The following AFAP1L1 variants were observed in gnomAD, a reference collection of about 807,000 sequenced individuals.
The protein encoded by AFAP1L1 is actin filament-associated protein 1-like 1.
Under a neutral mutation model 99.8 loss-of-function variants are expected in AFAP1L1, and 77 were observed. The ratio of observed to expected loss-of-function variants is 0.77; its 90% CI spans 0.64 to 0.93. The LOEUF is 0.93. Among genes scored for constraint, AFAP1L1 ranks in the 40% least tolerant of loss-of-function variants. The pLI is 0.00. For missense variants in AFAP1L1, 893 were observed against 996.8 expected (o/e 0.90, Z 1.40); for synonymous variants, 373 against 395.3 (o/e 0.94, Z 0.67).
At chr5:149,312,897 C>T (rs1756681034) in intron 9 of AFAP1L1, among the ~76,000 whole-genome samples, 1 of 151,964 alleles carries the variant, frequency 6.6e-6, no homozygotes, top group African/African-American at 2.4e-5. Flanking sequence ...GAGGCCGAGG[C>T]GGGTGGATCA....
In AFAP1L1 at chr5:149,334,899, G is replaced by GGAAA. The variant is rs980275824; in HGVS notation, c.2155-681_2155-678dup. 1.2e-4 allele frequency among the ~76,000 whole-genome samples: 18 copies of GGAAA among 151,920 alleles called. No homozygotes were observed. The East Asian group carries it at 2.1e-3, about 18-fold the overall frequency. ...GTCTTACAAAAAAAAAAGAAAGAAA[G>GGAAA]GAAAGAAAGAAAGAAAGGGCTATGG... is the stretch of plus-strand genomic sequence containing the variant. On this transcript the variant is annotated intron_variant, in intron 17 of 18. Transcript: ENST00000296721.
chr5:149,313,083 G>T (rs927886337), intron 9 of AFAP1L1, among the ~76,000 whole-genome samples: 2 of 151,446 alleles, frequency 1.3e-5, no homozygotes, highest in African/African-American at 4.9e-5. Flanking sequence ...CCGAGATTGT[G>T]CCATTGCACT....
intron 5 of AFAP1L1, among the ~76,000 whole-genome samples, chr5:149,302,863 A>G (rs182263880): frequency 4.4e-4 from 67 of 152,298 alleles, no homozygotes; most frequent in African/African-American, 1.6e-3. Flanking sequence ...AGGCAGCTAC[A>G]CAGATGACCA....
Position 149,302,534 on chromosome 5 carries a change from C to A in AFAP1L1, c.436+8C>A. The A allele has an allele frequency of 6.4e-7, 1 of 1,569,028 alleles. No individual in the cohort carries two copies. The highest frequency in any genetic ancestry group is 1.2e-5 in the South Asian group (1 of 85,294). On this transcript the variant is annotated splice_region_variant and intron_variant, in intron 5 of 18. Transcript: ENST00000296721. ...AGTACATCAGCTCCCACAGTAAGTT[C>A]TGGTCCTCTTGGTGGGGCTGGGGAC...
At chr5:149,338,952 C>T (rs181309881) in intron 18 of AFAP1L1, among the ~76,000 whole-genome samples, 2 of 152,262 alleles carry the variant, frequency 1.3e-5, no homozygotes, top group Admixed American at 6.5e-5. Flanking sequence ...GTGAAAGGAA[C>T]AAAGAGTGAG....
intron 1 of AFAP1L1, among the ~76,000 whole-genome samples, chr5:149,293,948 G>A (rs1581302991): frequency 6.6e-6 from 1 of 152,154 alleles, no homozygotes; most frequent in Non-Finnish European, 1.5e-5. Flanking sequence ...CGACCCCAGA[G>A]CCCTAGCCAC....
In AFAP1L1 at chr5:149,320,537, C is replaced by A; in HGVS notation, c.1698+74C>A. ...GCTCTCCCTCTTTCTGCTCCCTTTACCTTCTGCCTCAGAAAGATCATTTTC... is the reference window on the plus strand; with the variant it reads ...GCTCTCCCTCTTTCTGCTCCCTTTAACTTCTGCCTCAGAAAGATCATTTTC... On this transcript the variant is annotated intron_variant, in intron 14 of 18. Coordinates refer to ENST00000296721, the MANE Select transcript of AFAP1L1 (RefSeq NM_152406.4). This position sits in a 1 kb window ranked among gnomAD's most constrained non-coding sequence, Gnocchi z 4.0. The A allele has an allele frequency of 7.4e-7, 1 of 1,351,536 alleles. No homozygotes were observed. Among genetic ancestry groups the A allele is most frequent in the Non-Finnish European group, 1.1e-6 (1 of 947,342 alleles). The allele number at this position is 1,351,536 out of a possible 1,614,324, so 83.7% of individuals were successfully genotyped here.
Position 149,301,121 on chromosome 5 carries a change from G to A in AFAP1L1, c.230-12G>A, listed in dbSNP as rs1203319818. On this transcript the variant is annotated splice_polypyrimidine_tract_variant and intron_variant, in intron 3 of 18. Coordinates refer to ENST00000296721, the MANE Select transcript of AFAP1L1 (RefSeq NM_152406.4). Reference sequence around the variant, plus strand: ...CTTGGCTTTCTTTGCCCAATGGCCTGTCCCTCTGTAGACTGTGACCTGAGT... The same window carrying A: ...CTTGGCTTTCTTTGCCCAATGGCCTATCCCTCTGTAGACTGTGACCTGAGT... The A allele has an allele frequency of 1.9e-6, 3 of 1,613,198 alleles. No individual in the cohort carries two copies. Among genetic ancestry groups the A allele is most frequent in the Non-Finnish European group, 2.5e-6 (3 of 1,179,350 alleles).
At chr5:149,288,964 C>T (rs1469930280) in intron 1 of AFAP1L1, among the ~76,000 whole-genome samples, 1 of 152,172 alleles carries the variant, frequency 6.6e-6, no homozygotes, top group East Asian at 1.9e-4. Context: ...TCTCCATGAC[C>T]ACCCTGTCTT....
At position 149,309,967 on chromosome 5, in the gene AFAP1L1, C is replaced by T. The variant is rs760857095; in HGVS notation, c.759C>T (p.Ser253=). 6.2e-7 allele frequency: 1 copy of T among 1,614,226 alleles called. No homozygotes were observed. Among genetic ancestry groups the T allele is most frequent in the Non-Finnish European group, 8.5e-7 (1 of 1,180,038 alleles). Residue 253 remains serine, a synonymous_variant, in exon 8 of 19, where the codon AGC becomes AGT. Transcript: ENST00000296721. The part of the protein sequence containing the change: ...IREDQLLCYK[S]SKDRQPHLRL... ...CTCTCCCTGTCCAGTGTTACAAAAG[C>T]TCCAAGGATCGGCAGCCACATCTGA...
rs995360353 is a variant in AFAP1L1 at position 149,343,077 on chromosome 5, T to C, written c.*3047T>C. ...CTTTCTGAGCCTCAATTTTCTCATA[T>C]GTAAAAGAGAATCATAATACCTCCC... On this transcript the variant is annotated 3_prime_UTR_variant, in exon 19 of 19. Transcript: ENST00000296721. Among the ~76,000 whole-genome samples, 2 of 152,210 alleles carry C rather than the reference T, an allele frequency of 1.3e-5. No individual in the cohort carries two copies. Among genetic ancestry groups the C allele is most frequent in the Non-Finnish European group, 2.9e-5 (2 of 68,038 alleles).
chr5:149,307,634 A>T (rs1684018847), intron 7 of AFAP1L1, 21 bp downstream of exon 7: 7 of 1,610,014 alleles, frequency 4.3e-6, no homozygotes, highest in Non-Finnish European at 5.9e-6. Context: ...AGCAGCAGCC[A>T]TGTGCCTCGG....
chr5:149,320,544 C>A lies in AFAP1L1; in HGVS notation c.1698+81C>A. The A allele has an allele frequency of 1.5e-6, 2 of 1,292,182 alleles. No individual in the cohort carries two copies. Among genetic ancestry groups the A allele is most frequent in the Non-Finnish European group, 2.2e-6 (2 of 898,162 alleles). 80.0% of individuals were successfully genotyped at this position (1,292,182 alleles called of 1,614,324 possible). A position where few individuals can be genotyped will look rare whatever the true frequency, so the allele number is the denominator to read the frequency against. On this transcript the variant is annotated intron_variant, in intron 14 of 18. Transcript: ENST00000296721. The surrounding 1 kb of genome is among the most constrained non-coding windows in gnomAD (Gnocchi z 4.0). ...CTCTTTCTGCTCCCTTTACCTTCTG[C>A]CTCAGAAAGATCATTTTCATTTAAG...
At chr5:149,307,857 T>TCTCTCTCTCTCTCTCTCTCTCTCTC (rs57582125) in intron 7 of AFAP1L1, among the ~76,000 whole-genome samples, 24 of 147,638 alleles carry the variant, frequency 1.6e-4, no homozygotes, top group Admixed American at 5.4e-4. Flanking sequence ...TCTCTCTCTC[T>TCTCTCTCTCTCTCTCTCTCTCTCTC]TAAATTTAAA....
At chr5:149,319,875 C>T in intron 13 of AFAP1L1, 148 bp downstream of exon 13, 1 of 1,233,824 alleles carries the variant, frequency 8.1e-7, no homozygotes, top group East Asian at 2.6e-5. Flanking sequence ...GAGTGTCTTC[C>T]TCTTCCAGCA....
chr5:149,338,559 C>A (rs1212072385), intron 18 of AFAP1L1, among the ~76,000 whole-genome samples: 1 of 152,170 alleles, frequency 6.6e-6, no homozygotes, highest in Non-Finnish European at 1.5e-5. Flanking sequence ...TTTATTCTTT[C>A]CTACAGTTAG....
chr5:149,292,781 AG>A (rs1755898956), intron 1 of AFAP1L1, among the ~76,000 whole-genome samples: 2 of 152,236 alleles, frequency 1.3e-5, no homozygotes, highest in South Asian at 4.1e-4. Context: ...ACATAGAGAC[AG>A]TTCTGTCCTC....
At chr5:149,315,211 T>TGTGTGTGG (rs1011885176) in intron 9 of AFAP1L1, among the ~76,000 whole-genome samples, 2 of 152,112 alleles carry the variant, frequency 1.3e-5, no homozygotes, top group African/African-American at 2.4e-5. Context: ...GTTGACATGT[T>TGTGTGTGG]GTGTGTGGGT....
In AFAP1L1 at chr5:149,320,607, AGCATG is replaced by A; in HGVS notation, c.1698+147_1698+151del. 1 of 745,306 alleles carries A rather than the reference AGCATG, an allele frequency of 1.3e-6. No individual in the cohort carries two copies. The highest frequency in any genetic ancestry group is 2.2e-6 in the Non-Finnish European group (1 of 456,852). The allele number at this position is 745,306 out of a possible 1,614,324, so 46.2% of individuals were successfully genotyped here. ...GAAGGGGAGCCCCTTCTTATCATAG[AGCATG>A]GCTCAGGATGAGGAATCCCTGGCAC... is the stretch of plus-strand genomic sequence containing the variant. On this transcript the variant is annotated intron_variant, in intron 14 of 18. Transcript: ENST00000296721. The surrounding 1 kb of genome is among the most constrained non-coding windows in gnomAD (Gnocchi z 4.0).
Sources: gnomAD v4.1 joint callset for allele counts (sites outside exome capture counted in the v4.1 genomes callset) on GRCh38, gnomAD v4.1.1 for gene constraint, Gnocchi (gnomAD v3.1) non-coding constraint, MANE v1.5 for transcripts, NCBI Gene and HGNC (gene_info 2026-07-23, HGNC 2026-07-21) for gene names.